SPTY2D1: variants seen among roughly 807,000 people sequenced by gnomAD.
SPTY2D1 encodes the protein protein SPT2 homolog.
In SPTY2D1, 21 loss-of-function variants were observed where a neutral mutation model predicts 64.0. That is an observed-to-expected ratio of 0.33 (90% CI 0.23 to 0.47). SPTY2D1 has a LOEUF of 0.47. SPTY2D1 is among the 20% of genes least tolerant of loss of function. The pLI is 1.00. For missense variants in SPTY2D1, 724 were observed against 837.2 expected, an observed-to-expected ratio of 0.86 and a Z score of 1.67; for synonymous variants, 287 against 286.8, an observed-to-expected ratio of 1.00 and a Z score of -0.01.
intron 1 of SPTY2D1, among the ~76,000 whole-genome samples, chr11:18,627,343 A>G (rs1854514197): frequency 6.6e-6 from 1 of 151,864 alleles, no homozygotes; most frequent in Non-Finnish European, 1.5e-5. Flanking sequence ...AGGCAAAAGA[A>G]TGGGTTAAAC....
chr11:18,629,429 G>A (rs1274355784), intron 1 of SPTY2D1, among the ~76,000 whole-genome samples: 1 of 152,172 alleles, frequency 6.6e-6, no homozygotes, highest in Non-Finnish European at 1.5e-5. Flanking sequence ...GCTTGACCCC[G>A]GGTGGCAGAG....
rs556731684 is a variant in SPTY2D1, at chr11:18,634,294, G to A, written c.-37C>T. ...GCGGGAGAGACTGGGCCAGGCACTC[G>A]GAAAGGACTGACAGCGCACCTAACC... On this transcript the variant is annotated 5_prime_UTR_variant, in exon 1 of 6. Coordinates refer to ENST00000336349, the MANE Select transcript of SPTY2D1 (RefSeq NM_194285.3). 74 of 1,610,850 alleles carry A rather than the reference G, an allele frequency of 4.6e-5. No individual in the cohort carries two copies. In the Middle Eastern group the frequency reaches 9.9e-4, roughly 22 times the overall value.
intron 1 of SPTY2D1, among the ~76,000 whole-genome samples, chr11:18,626,827 C>A (rs1033501686): frequency 2.0e-5 from 3 of 152,102 alleles, no homozygotes; most frequent in Non-Finnish European, 4.4e-5. Flanking sequence ...AATAACAGAA[C>A]CTCTATGGGA....
At chr11:18,625,812 ACTTT>A (rs1854487256) in intron 1 of SPTY2D1, among the ~76,000 whole-genome samples, 1 of 130,946 alleles carries the variant, frequency 7.6e-6, no homozygotes, top group African/African-American at 3.2e-5. Context: ...TAACTCCAAC[ACTTT>A]CTTTTTTTTT....
intron 1 of SPTY2D1, among the ~76,000 whole-genome samples, chr11:18,627,654 G>A (rs1854520119): frequency 6.6e-6 from 1 of 152,090 alleles, no homozygotes; most frequent in African/African-American, 2.4e-5. Context: ...CGAGGGGGGT[G>A]GATCATGAGG....
Position 18,612,375 on chromosome 11 carries a change from C to T in SPTY2D1, c.1825G>A (p.Gly609Arg). Reference protein sequence around the residue: ...SEMEDFIEDEGEPQEEISKHI... With the variant: ...SEMEDFIEDEREPQEEISKHI... ...TTGGATATTTCTTCCTGAGGCTCTC[C>T]TTCATCTTCAATAAAATCTTCCATT... The change falls in exon 4 of 6, where the codon GGA becomes AGA. Residue 609 changes from glycine to arginine, a missense_variant. Gly to Arg is a moderately radical substitution (Grantham distance 125, BLOSUM62 -2). Coordinates refer to ENST00000336349, the MANE Select transcript of SPTY2D1 (RefSeq NM_194285.3). The surrounding 1 kb of genome is among the most constrained non-coding windows in gnomAD (Gnocchi z 4.6). The T allele has an allele frequency of 6.2e-7, 1 of 1,611,442 alleles. No homozygotes were observed. The highest frequency in any genetic ancestry group is 8.5e-7 in the Non-Finnish European group (1 of 1,178,546).
chr11:18,627,374 T>C (rs1432835777), intron 1 of SPTY2D1, among the ~76,000 whole-genome samples: 7 of 151,348 alleles, frequency 4.6e-5, no homozygotes, highest in Non-Finnish European at 7.4e-5. Flanking sequence ...GAGGTTGCAG[T>C]GAGCCAAGAT....
chr11:18,629,270 G>A (rs922739196), intron 1 of SPTY2D1, among the ~76,000 whole-genome samples: 8 of 152,136 alleles, frequency 5.3e-5, no homozygotes, highest in African/African-American at 1.9e-4. Flanking sequence ...TGAGGCCAAG[G>A]CAGGCAGATC....
Position 18,615,525 on chromosome 11 carries a change from T to C in SPTY2D1, c.749A>G (p.His250Arg), listed in dbSNP as rs760701205. 2 of 1,614,118 alleles carry C rather than the reference T, an allele frequency of 1.2e-6. No individual in the cohort carries two copies. The highest frequency in any genetic ancestry group is 1.7e-6 in the Non-Finnish European group (2 of 1,180,044). Residue 250 changes from histidine to arginine, a missense_variant, in exon 3 of 6, where the codon CAT becomes CGT. By Grantham distance (29) the His-to-Arg change is conservative. Around this residue, in one of 3 missense-constraint regions of SPTY2D1, gnomAD observed 426 missense variants for 431.8 expected, o/e 0.99. Transcript: ENST00000336349. ...AAGGGGCATTCCTTTGGAAGAAGGA[T>C]GCCTGTCTCCAGAACCTTTGCTAAG... ...TKLSKGSGDR[H>R]PSSKGMPLPH... is the part of the protein sequence containing the mutation.
At position 18,622,101 on chromosome 11, in the gene SPTY2D1, A is replaced by AACAAAAAAAAAC. The variant is rs768884194; in HGVS notation, c.61-5113_61-5112insGTTTTTTTTTGT. Among the ~76,000 whole-genome samples the AACAAAAAAAAAC allele has an allele frequency of 1.2e-4, 10 of 81,284 alleles. 1 individual carries two copies. Among genetic ancestry groups the AACAAAAAAAAAC allele is most frequent in the Non-Finnish European group, 2.3e-4 (8 of 34,846 alleles). 53.3% of individuals were successfully genotyped at this position (81,284 alleles called of 152,430 possible). On this transcript the variant is annotated intron_variant, in intron 1 of 5. Coordinates refer to ENST00000336349, the MANE Select transcript of SPTY2D1 (RefSeq NM_194285.3). The stretch of plus-strand genomic sequence containing the variant: ...GACCCTATCTCAAAAAAAAAAAAAA[A>AACAAAAAAAAAC]AAACCAAAACCAAAACCAAAAAAAC...
At chr11:18,628,009 C>T (rs894707216) in intron 1 of SPTY2D1, among the ~76,000 whole-genome samples, 2 of 152,158 alleles carry the variant, frequency 1.3e-5, no homozygotes, top group African/African-American at 4.8e-5. Context: ...AGTGGCATCA[C>T]TGGACTCCAG....
At chr11:18,633,557 T>C (rs565430827) in intron 1 of SPTY2D1, among the ~76,000 whole-genome samples, 1 of 152,284 alleles carries the variant, frequency 6.6e-6, no homozygotes, top group East Asian at 1.9e-4. Flanking sequence ...AAGACTGAAA[T>C]CTGGAAGGCT....
At chr11:18,620,436 G>A (rs945467450) in intron 1 of SPTY2D1, among the ~76,000 whole-genome samples, 2 of 151,994 alleles carry the variant, frequency 1.3e-5, no homozygotes, top group African/African-American at 2.4e-5. Flanking sequence ...CCAAGATCAC[G>A]CCACTGCATT....
chr11:18,609,387 C>G lies in SPTY2D1; in HGVS notation c.*474G>C, dbSNP rs1201955332. 2 of 156,658 alleles carry G rather than the reference C, an allele frequency of 1.3e-5. No individual in the cohort carries two copies. The highest frequency in any genetic ancestry group is 2.8e-5 in the Non-Finnish European group (2 of 70,380). The allele number at this position is 156,658 out of a possible 1,614,324, so 9.7% of individuals were successfully genotyped here. A position where few individuals can be genotyped will look rare whatever the true frequency, so the allele number is the denominator to read the frequency against. On this transcript the variant is annotated 3_prime_UTR_variant, in exon 6 of 6. Coordinates refer to ENST00000336349, the MANE Select transcript of SPTY2D1 (RefSeq NM_194285.3). ...CAAGTTCTCAATCCATAGATTAGGA[C>G]AAGTCACTTTATTGCTGGCAACATT... is the stretch of plus-strand genomic sequence containing the variant.
At chr11:18,629,725 C>T (rs1486360899) in intron 1 of SPTY2D1, among the ~76,000 whole-genome samples, 1 of 152,088 alleles carries the variant, frequency 6.6e-6, no homozygotes, top group Non-Finnish European at 1.5e-5. Context: ...TTCAGTTTTC[C>T]ACTGGGAAAT....
chr11:18,631,483 C>G (rs535009983), intron 1 of SPTY2D1, among the ~76,000 whole-genome samples: 1 of 151,364 alleles, frequency 6.6e-6, no homozygotes, highest in Non-Finnish European at 1.5e-5. Context: ...CTTGAACCTG[C>G]GAGGCGGAGC....
intron 3 of SPTY2D1, among the ~76,000 whole-genome samples, chr11:18,614,078 T>C (rs1416453500): frequency 6.6e-6 from 1 of 152,114 alleles, no homozygotes; most frequent in Admixed American, 6.5e-5. Context: ...ATTTCAAGGG[T>C]GAACACAGAG....
At chr11:18,632,972 T>G (rs1240094267) in intron 1 of SPTY2D1, among the ~76,000 whole-genome samples, 1 of 152,204 alleles carries the variant, frequency 6.6e-6, no homozygotes, top group Non-Finnish European at 1.5e-5. Context: ...AATTTACAGA[T>G]GCTTCTAGAA....
chr11:18,622,434 G>T (rs1854426879), intron 1 of SPTY2D1, among the ~76,000 whole-genome samples: 1 of 152,078 alleles, frequency 6.6e-6, no homozygotes. Context: ...AGCTGATGTG[G>T]GAGGATGGCT....
Sources: gnomAD v4.1 joint callset for allele counts (sites outside exome capture counted in the v4.1 genomes callset) on GRCh38, gnomAD v4.1.1 for gene constraint, gnomAD v4.1.1 regional missense constraint, Gnocchi (gnomAD v3.1) non-coding constraint, MANE v1.5 for transcripts, NCBI Gene and HGNC (gene_info 2026-07-23, HGNC 2026-07-21) for gene names.